The following AP4S1 variants were observed in gnomAD, a reference collection of about 807,000 sequenced individuals.
The protein encoded by AP4S1 is AP-4 complex subunit sigma-1.
A neutral mutation model predicts 19.8 loss-of-function variants in AP4S1; 23 were observed. The observed-to-expected ratio is 1.16, with a 90% CI of 0.84 to 1.65. The LOEUF is 1.65. AP4S1 is among the 40% of genes most tolerant of loss of function. AP4S1 has a pLI of 0.00. For synonymous variants in AP4S1, 46 were observed against 54.1 expected, an observed-to-expected ratio of 0.85 and a Z score of 0.66; for missense variants, 166 against 172.8, an observed-to-expected ratio of 0.96 and a Z score of 0.22.
intron 4 of AP4S1, among the ~76,000 whole-genome samples, chr14:31,078,628 C>T (rs1292582712): frequency 6.6e-6 from 1 of 152,062 alleles, no homozygotes; most frequent in Non-Finnish European, 1.5e-5. Context: ...CAAGTACTAT[C>T]ATTGCTAAGG....
At chr14:31,080,292 C>G (rs543773050) in intron 4 of AP4S1, among the ~76,000 whole-genome samples, 13 of 152,320 alleles carry the variant, frequency 8.5e-5, no homozygotes, top group African/African-American at 2.6e-4. Context: ...TATCAAATTA[C>G]CTACATCTGT....
intron 3 of AP4S1, 49 bp downstream of exon 3, chr14:31,069,978 T>C: frequency 6.9e-7 from 1 of 1,447,886 alleles, no homozygotes; most frequent in Non-Finnish European, 9.7e-7. Context: ...TCTTTCTACT[T>C]GCCTCCCTAA....
Position 31,025,658 on chromosome 14 carries a change from C to T in AP4S1, c.-201C>T. 1 of 608,350 alleles carries T rather than the reference C, an allele frequency of 1.6e-6. No individual in the cohort carries two copies. Among genetic ancestry groups the T allele is most frequent in the Non-Finnish European group, 2.8e-6 (1 of 362,856 alleles). The allele number at this position is 608,350 out of a possible 1,614,324, so 37.7% of individuals were successfully genotyped here. ...CCCCCGCAGACGCCATACTAAAAGC[C>T]AAAATGGCTGCCCCGAGGAGGCCCG... On this transcript the variant is annotated 5_prime_UTR_variant, in exon 1 of 6. Coordinates refer to ENST00000542754, the MANE Select transcript of AP4S1 (RefSeq NM_001128126.3).
At chr14:31,048,250 C>T (rs1360437302) in intron 1 of AP4S1, among the ~76,000 whole-genome samples, 2 of 151,788 alleles carry the variant, frequency 1.3e-5, no homozygotes, top group Non-Finnish European at 2.9e-5. Flanking sequence ...CCCACCACCA[C>T]ACCTGGCTAA....
intron 4 of AP4S1, among the ~76,000 whole-genome samples, chr14:31,076,410 A>G (rs2139084233): frequency 6.6e-6 from 1 of 152,364 alleles, no homozygotes; most frequent in South Asian, 2.1e-4. Context: ...TCACTAATGG[A>G]TAAGGATGTT....
At chr14:31,079,246 CTATTT>C (rs916841190) in intron 4 of AP4S1, among the ~76,000 whole-genome samples, 1 of 152,026 alleles carries the variant, frequency 6.6e-6, no homozygotes, top group African/African-American at 2.4e-5. Context: ...GCATAAATAT[CTATTT>C]TATTTACAAA....
chr14:31,073,183 TGG>T, intron 4 of AP4S1: 2 of 493,600 alleles, frequency 4.1e-6, no homozygotes, highest in African/African-American at 2.2e-5. Flanking sequence ...TATAAAGAAC[TGG>T]AAAAAAAAAA....
chr14:31,058,763 A>G (rs1400461724), intron 1 of AP4S1, among the ~76,000 whole-genome samples: 3 of 147,940 alleles, frequency 2.0e-5, no homozygotes, highest in Non-Finnish European at 3.0e-5. Context: ...TTTAGTAGAC[A>G]TGGCGTCTCA....
At chr14:31,074,370 A>C (rs1887235757) in intron 4 of AP4S1, among the ~76,000 whole-genome samples, 1 of 144,096 alleles carries the variant, frequency 6.9e-6, no homozygotes, top group Non-Finnish European at 1.5e-5. Context: ...TAAATAAAGT[A>C]AGCTGGGCGC....
chr14:31,090,875 C>G (rs1888059076), intron 5 of AP4S1, among the ~76,000 whole-genome samples: 1 of 152,208 alleles, frequency 6.6e-6, no homozygotes, highest in Non-Finnish European at 1.5e-5. Context: ...GTAGTTTCCC[C>G]ATATAGTGCC....
intron 4 of AP4S1, among the ~76,000 whole-genome samples, chr14:31,077,151 C>T (rs112318809): frequency 6.6e-6 from 1 of 151,914 alleles, no homozygotes; most frequent in Admixed American, 6.6e-5. Context: ...TGGTCAGGCT[C>T]GTCTCGAACT....
chr14:31,051,548 T>C (rs1412961674), intron 1 of AP4S1, among the ~76,000 whole-genome samples: 6 of 152,210 alleles, frequency 3.9e-5, no homozygotes, highest in Non-Finnish European at 8.8e-5. Flanking sequence ...TCTATTTAGA[T>C]GTTCACTTTG....
chr14:31,055,328 G>A (rs1027739645), intron 1 of AP4S1, among the ~76,000 whole-genome samples: 1 of 152,044 alleles, frequency 6.6e-6, no homozygotes, highest in African/African-American at 2.4e-5. Flanking sequence ...GAATAGGCAG[G>A]AAAAGCTTCA....
chr14:31,083,781 A>T, intron 5 of AP4S1: 1 of 333,648 alleles, frequency 3.0e-6, no homozygotes, highest in Non-Finnish European at 5.9e-6. Context: ...AAGTGTTGAC[A>T]TTCTTAAAAG....
intron 1 of AP4S1, among the ~76,000 whole-genome samples, chr14:31,037,878 A>G (rs1050380488): frequency 6.6e-6 from 1 of 152,212 alleles, no homozygotes; most frequent in South Asian, 2.1e-4. Context: ...CTTGAGTCCA[A>G]GAGTTCCAGG....
intron 1 of AP4S1, among the ~76,000 whole-genome samples, chr14:31,037,601 T>G (rs1372712006): frequency 1.3e-5 from 2 of 152,182 alleles, no homozygotes; most frequent in African/African-American, 4.8e-5. Context: ...TAAATTTAAG[T>G]ATATATATTC....
In AP4S1 at chr14:31,074,250, A is replaced by C. The variant is rs1887220817; in HGVS notation, c.294+1277A>C. ...CTGAGGCAGAGAATAGCTTGAACCC[A>C]GGAGGCAGAGGTTGCAGTGAGCCAA... On this transcript the variant is annotated intron_variant, in intron 4 of 5. Coordinates refer to ENST00000542754, the MANE Select transcript of AP4S1 (RefSeq NM_001128126.3). Among the ~76,000 whole-genome samples, 12 of 152,126 alleles carry C rather than the reference A, an allele frequency of 7.9e-5. No individual in the cohort carries two copies. The South Asian group carries it at 2.5e-3, about 32-fold the overall frequency.
Position 31,077,585 on chromosome 14 carries a change from A to G in AP4S1, c.295-2988A>G, listed in dbSNP as rs1887429551. ...TCTGGGCCCCATCCCAGACCATTGC[A>G]TCAGAAGCTGTAGGTCAAGGCCCAG... On this transcript the variant is annotated intron_variant, in intron 4 of 5. Transcript: ENST00000542754. 2.0e-5 allele frequency among the ~76,000 whole-genome samples: 3 copies of G among 152,288 alleles called. No individual in the cohort carries two copies. In the South Asian group the frequency reaches 6.2e-4, roughly 32 times the overall value.
intron 1 of AP4S1, among the ~76,000 whole-genome samples, chr14:31,045,515 G>T (rs1052273900): frequency 6.6e-6 from 1 of 152,094 alleles, no homozygotes; most frequent in African/African-American, 2.4e-5. Context: ...TGTGAAGAAG[G>T]TTACTTGCTT....
Sources: allele counts gnomAD v4.1 joint callset (sites outside exome capture counted in the v4.1 genomes callset), GRCh38; gene constraint gnomAD v4.1.1; transcripts MANE v1.5; gene names NCBI Gene and HGNC (gene_info 2026-07-23, HGNC 2026-07-21).